Variants in PLD5 observed in about 807,000 individuals in gnomAD.
PLD5 encodes phospholipase D family member 5, also known as inactive phospholipase D5.
In PLD5, 36 loss-of-function variants were observed where a neutral mutation model predicts 61.1. The observed-to-expected ratio is 0.59, with a 90% confidence interval of 0.45 to 0.78. PLD5 has a LOEUF of 0.78. Among genes scored for constraint, PLD5 ranks in the 30% least tolerant of loss-of-function variants. The pLI is 0.00. For synonymous variants in PLD5, 243 were observed against 242.8 expected (o/e 1.00, Z -0.01); for missense variants, 515 against 644.4 (o/e 0.80, Z 2.17).
chr1:242,322,329 T>G (rs556626401), intron 2 of PLD5, among the ~76,000 whole-genome samples: 63 of 152,224 alleles, frequency 4.1e-4, no homozygotes, highest in Non-Finnish European at 7.1e-4. Context: ...CCTGGAACCC[T>G]CTTCCCCAGA....
chr1:242,524,321 G>C lies in PLD5; in HGVS notation c.-45C>G, dbSNP rs538551414. The stretch of plus-strand genomic sequence containing the variant: ...CGCCGGCGAGCAGCGGACTCGGGAC[G>C]GGCGCGCGGGGAGCCGGGCGCGGAG... On this transcript the variant is annotated 5_prime_UTR_variant, in exon 1 of 10. Coordinates refer to ENST00000536534, the MANE Select transcript of PLD5 (RefSeq NM_001372062.1). 37 of 1,358,156 alleles carry C rather than the reference G, an allele frequency of 2.7e-5. No individual in the cohort carries two copies. Among genetic ancestry groups the C allele is most frequent in the South Asian group, 2.1e-4 (12 of 56,414 alleles). 84.1% of individuals were successfully genotyped at this position (1,358,156 alleles called of 1,614,324 possible). A position where few individuals can be genotyped will look rare whatever the true frequency, so the allele number is the denominator to read the frequency against.
chr1:242,269,374 C>T (rs1185124347), intron 3 of PLD5, among the ~76,000 whole-genome samples: 1 of 151,486 alleles, frequency 6.6e-6, no homozygotes, highest in East Asian at 1.9e-4. Context: ...GGAAGCTGTA[C>T]CCCCAAAATA....
intron 1 of PLD5, among the ~76,000 whole-genome samples, chr1:242,522,028 T>G (rs912259046): frequency 6.6e-6 from 1 of 152,184 alleles, no homozygotes; most frequent in Admixed American, 6.5e-5. Flanking sequence ...TAATATTAAT[T>G]CATTAAAAAT....
chr1:242,313,390 GT>G (rs1402845482), intron 2 of PLD5, among the ~76,000 whole-genome samples: 1 of 152,110 alleles, frequency 6.6e-6, no homozygotes, highest in African/African-American at 2.4e-5. Context: ...TTGCTGTCAT[GT>G]TTTGTTTTCC....
chr1:242,159,640 C>T (rs1490591995), intron 5 of PLD5, among the ~76,000 whole-genome samples: 1 of 152,084 alleles, frequency 6.6e-6, no homozygotes, highest in Admixed American at 6.6e-5. Flanking sequence ...TATATCTGTC[C>T]CTACCCTCCA....
At chr1:242,155,458 A>G (rs1228570505) in intron 5 of PLD5, among the ~76,000 whole-genome samples, 1 of 151,986 alleles carries the variant, frequency 6.6e-6, no homozygotes, top group Non-Finnish European at 1.5e-5. Flanking sequence ...TCAATTTTAG[A>G]TCTTTCCTGC....
chr1:242,394,888 A>ATATGTATGAT (rs1553366802), intron 1 of PLD5, among the ~76,000 whole-genome samples: 3 of 74,626 alleles, frequency 4.0e-5, no homozygotes, highest in Non-Finnish European at 8.2e-5. Flanking sequence ...GAATATATGT[A>ATATGTATGAT]TATATATGAT....
At chr1:242,266,992 C>T (rs938524252) in intron 3 of PLD5, among the ~76,000 whole-genome samples, 4 of 152,046 alleles carry the variant, frequency 2.6e-5, no homozygotes, top group African/African-American at 4.8e-5. Context: ...TGGTGGGTGC[C>T]TGTAATCCCA....
At position 242,524,354 on chromosome 1, in the gene PLD5, G is replaced by A. The variant is rs1368894725; in HGVS notation, c.-78C>T. 5 of 1,290,410 alleles carry A rather than the reference G, an allele frequency of 3.9e-6. No homozygotes were observed. The allele number at this position is 1,290,410 out of a possible 1,614,324, so 79.9% of individuals were successfully genotyped here. On this transcript the variant is annotated 5_prime_UTR_variant, in exon 1 of 10. Coordinates refer to ENST00000536534, the MANE Select transcript of PLD5 (RefSeq NM_001372062.1). ...GGGGAGCCGGGCGCGGAGGGCGAGC[G>A]GGAGGCCCAGCGGGAGCCGGAGGTG... is the stretch of plus-strand genomic sequence containing the variant.
intron 1 of PLD5, 84 bp from the exon 2 acceptor site, chr1:242,348,326 C>T: frequency 7.0e-7 from 1 of 1,428,678 alleles, no homozygotes; most frequent in Non-Finnish European, 9.3e-7. Context: ...TCTCAACATT[C>T]CATGAAAAAT....
chr1:242,408,101 C>T (rs1016965702), intron 1 of PLD5, among the ~76,000 whole-genome samples: 2 of 152,134 alleles, frequency 1.3e-5, no homozygotes, highest in Admixed American at 6.5e-5. Flanking sequence ...CAGTGACTAA[C>T]TTATCCTATG....
At chr1:242,190,130 C>G (rs1013715142) in intron 5 of PLD5, among the ~76,000 whole-genome samples, 4 of 138,252 alleles carry the variant, frequency 2.9e-5, no homozygotes, top group Admixed American at 7.3e-5. Flanking sequence ...ATTTTCCTGA[C>G]AGGACTCCTT....
At chr1:242,151,466 C>A (rs1664923184) in intron 5 of PLD5, among the ~76,000 whole-genome samples, 1 of 151,984 alleles carries the variant, frequency 6.6e-6, no homozygotes, top group South Asian at 2.1e-4. Context: ...TCCCCCAGCA[C>A]TCTAAAGATA....
chr1:242,485,389 CA>C (rs1317398307), intron 1 of PLD5, among the ~76,000 whole-genome samples: 1 of 152,140 alleles, frequency 6.6e-6, no homozygotes, highest in East Asian at 1.9e-4. Context: ...AATCAATGTG[CA>C]AAAATCACAA....
chr1:242,379,488 TTCCA>T (rs930172719), intron 1 of PLD5, among the ~76,000 whole-genome samples: 1 of 152,154 alleles, frequency 6.6e-6, no homozygotes, highest in Non-Finnish European at 1.5e-5. Context: ...AAAAACTGTG[TTCCA>T]AGAAACATAA....
chr1:242,272,366 T>C (rs1010432094), intron 3 of PLD5, among the ~76,000 whole-genome samples: 4 of 152,136 alleles, frequency 2.6e-5, no homozygotes, highest in African/African-American at 9.7e-5. Flanking sequence ...TGAGACTATA[T>C]AAAAATTATA....
chr1:242,499,905 T>C (rs1170710639), intron 1 of PLD5, among the ~76,000 whole-genome samples: 3 of 152,280 alleles, frequency 2.0e-5, no homozygotes, highest in African/African-American at 7.2e-5. Context: ...TACAGGCCTT[T>C]TCACTCACAT....
chr1:242,096,953 T>A (rs1421190530), intron 9 of PLD5, among the ~76,000 whole-genome samples: 1 of 148,566 alleles, frequency 6.7e-6, no homozygotes, highest in Non-Finnish European at 1.5e-5. Context: ...CCTGTGTCTG[T>A]GTGTTCTCAT....
intron 8 of PLD5, among the ~76,000 whole-genome samples, chr1:242,102,284 A>C (rs1302813890): frequency 6.6e-6 from 1 of 152,246 alleles, no homozygotes; most frequent in Non-Finnish European, 1.5e-5. Flanking sequence ...TCAAGGATAG[A>C]GTCACAGCTT....
Sources: gnomAD v4.1 joint callset for allele counts (sites outside exome capture counted in the v4.1 genomes callset) on GRCh38, gnomAD v4.1.1 for gene constraint, MANE v1.5 for transcripts, NCBI Gene and HGNC (gene_info 2026-07-23, HGNC 2026-07-21) for gene names.